CYP51A1: variants seen among roughly 807,000 people sequenced by gnomAD.
CYP51A1 encodes the protein lanosterol 14-alpha demethylase.
A neutral mutation model predicts 53.5 loss-of-function variants in CYP51A1; 45 were observed. That is an observed-to-expected ratio of 0.84 (90% CI 0.66 to 1.08). The LOEUF (loss-of-function observed/expected upper bound fraction) is 1.08, where lower values mean the gene tolerates loss of function less well. CYP51A1 is among the 50% of genes least tolerant of loss of function. CYP51A1 has a pLI of 0.00. For missense variants in CYP51A1, 462 were observed against 621.7 expected, an observed-to-expected ratio of 0.74 and a Z score of 2.73; for synonymous variants, 181 against 217.7, an observed-to-expected ratio of 0.83 and a Z score of 1.48.
intron 5 of CYP51A1, among the ~76,000 whole-genome samples, chr7:92,124,267 T>C (rs1439069462): frequency 2.6e-5 from 4 of 152,226 alleles, no homozygotes; most frequent in Non-Finnish European, 5.9e-5. Flanking sequence ...GGTTCTTCCA[T>C]GGAATCTGGT....
At chr7:92,125,821 C>T (rs11977401) in intron 5 of CYP51A1, among the ~76,000 whole-genome samples, 2,311 of 152,206 alleles carry the variant, frequency 0.015, 49 homozygotes, top group African/African-American at 0.053. Flanking sequence ...CATGATGAAA[C>T]CCTGTCTCTA....
At chr7:92,134,585 G>A, upstream of CYP51A1, 1 of 535,134 alleles carries the variant, frequency 1.9e-6, no homozygotes, top group South Asian at 2.7e-5. Context: ...GTGAAGCCGT[G>A]GTCTTCTTGC....
At chr7:92,130,665 A>G (rs1268272172) in intron 2 of CYP51A1, among the ~76,000 whole-genome samples, 2 of 152,200 alleles carry the variant, frequency 1.3e-5, no homozygotes, top group Non-Finnish European at 2.9e-5. Context: ...ATATAAATAC[A>G]AGTAGGTTTG....
In CYP51A1 at chr7:92,129,094, A is replaced by T; in HGVS notation, c.292-38T>A. The stretch of plus-strand genomic sequence containing the variant: ...AAGTACATATAGTGATGTTACAAAA[A>T]ATATGCAACACTACGACAGTAACTT... On this transcript the variant is annotated intron_variant, in intron 2 of 9. Transcript: ENST00000003100. 2.9e-6 allele frequency: 4 copies of T among 1,375,942 alleles called. No individual in the cohort carries two copies. The South Asian group carries it at 5.5e-5, about 19-fold the overall frequency. 85.2% of individuals were successfully genotyped at this position (1,375,942 alleles called of 1,614,324 possible).
Position 92,113,404 on chromosome 7 carries a change from G to T in CYP51A1, c.*261C>A. 2.7e-6 allele frequency: 1 copy of T among 368,302 alleles called. No homozygotes were observed. 22.8% of individuals were successfully genotyped at this position (368,302 alleles called of 1,614,324 possible). On this transcript the variant is annotated 3_prime_UTR_variant, in exon 10 of 10. Coordinates refer to ENST00000003100, the MANE Select transcript of CYP51A1 (RefSeq NM_000786.4). Reference sequence around the variant, plus strand: ...TTATTTAGAATCTGCCAATTACCTAGATCCCCCCTCAACAATTGTTTCACC... The same window carrying T: ...TTATTTAGAATCTGCCAATTACCTATATCCCCCCTCAACAATTGTTTCACC...
intron 9 of CYP51A1, among the ~76,000 whole-genome samples, chr7:92,116,185 T>C (rs891015563): frequency 5.3e-5 from 8 of 152,190 alleles, no homozygotes; most frequent in African/African-American, 1.9e-4. Context: ...GGCACGAGAA[T>C]TACTTGAACC....
intron 7 of CYP51A1, among the ~76,000 whole-genome samples, chr7:92,122,761 CACTCTGG>C (rs1658571178): frequency 6.6e-6 from 1 of 152,164 alleles, no homozygotes; most frequent in Non-Finnish European, 1.5e-5. Context: ...ATGCCCAGGC[CACTCTGG>C]ACATACAGAA....
intron 2 of CYP51A1, among the ~76,000 whole-genome samples, chr7:92,131,024 G>A (rs1355283310): frequency 6.6e-6 from 1 of 152,126 alleles, no homozygotes. Context: ...GAAAAGATGC[G>A]GGGTCGAGGA....
At chr7:92,127,136 G>A (rs1004961717) in intron 4 of CYP51A1, among the ~76,000 whole-genome samples, 1 of 152,136 alleles carries the variant, frequency 6.6e-6, no homozygotes, top group African/African-American at 2.4e-5. Context: ...TTCTTGTATG[G>A]TTAGAAAATA....
At chr7:92,123,412 G>A in intron 6 of CYP51A1, 97 bp from the exon 7 acceptor site, 4 of 1,063,682 alleles carry the variant, frequency 3.8e-6, no homozygotes, top group Non-Finnish European at 5.5e-6. Flanking sequence ...CATTTTTCAG[G>A]TATAGTGGTC....
intron 2 of CYP51A1, among the ~76,000 whole-genome samples, chr7:92,129,518 G>C (rs771435322): frequency 6.6e-6 from 1 of 152,170 alleles, no homozygotes; most frequent in African/African-American, 2.4e-5. Context: ...GCTATGTGAA[G>C]ACACTACAAG....
rs112952169 is a variant in CYP51A1, at chr7:92,128,428, C to CTCTGTGTGTGTGTGTGTGTG, written c.468+451_468+452insCACACACACACACACACAGA. 6.2e-3 allele frequency among the ~76,000 whole-genome samples: 889 copies of CTCTGTGTGTGTGTGTGTGTG among 143,102 alleles called. 16 individuals carry two copies. The highest frequency in any genetic ancestry group is 0.022 in the African/African-American group (841 of 38,650). 93.9% of individuals were successfully genotyped at this position (143,102 alleles called of 152,430 possible). On this transcript the variant is annotated intron_variant, in intron 3 of 9. Transcript: ENST00000003100. ...TATTACATTTTTGTTTGGTTGGTTT[C>CTCTGTGTGTGTGTGTGTGTG]TGTGTGTGTGTGTGTGTGTGTGTGT...
At position 92,123,119 on chromosome 7, in the gene CYP51A1, C is replaced by A; in HGVS notation, c.1086+1G>T. ...CAATGAAACTGAAAAATCCAACAAA[C>A]CTGGTCATAAGTTAAAGGAGGCAGA... On this transcript the variant is annotated splice_donor_variant, in intron 7 of 9. Transcript: ENST00000003100. LOFTEE classifies it high-confidence loss of function. 2.5e-6 allele frequency: 4 copies of A among 1,606,382 alleles called. No homozygotes were observed. Among genetic ancestry groups the A allele is most frequent in the Non-Finnish European group, 3.4e-6 (4 of 1,175,314 alleles).
rs763598087 is a variant in CYP51A1 at position 92,113,750 on chromosome 7, T to A, written c.1445A>T (p.Asp482Val). Reference sequence around the variant, plus strand: ...ATAATTCACAGTGGGAAAGTATCCATCAATGAGATCAAATTCATATAAACG... The same window carrying A: ...ATAATTCACAGTGGGAAAGTATCCAACAATGAGATCAAATTCATATAAACG... The part of the protein sequence containing the change: ...MLRLYEFDLI[D>V]GYFPTVNYTT... Residue 482 changes from aspartate to valine, a missense_variant, in exon 10 of 10, where the codon GAT becomes GTT. By Grantham distance (152) the Asp-to-Val change is radical (BLOSUM62 -3). Transcript: ENST00000003100. The A allele has an allele frequency of 6.2e-7, 1 of 1,613,160 alleles. No individual in the cohort carries two copies. The highest frequency in any genetic ancestry group is 8.5e-7 in the Non-Finnish European group (1 of 1,179,466).
intron 2 of CYP51A1, among the ~76,000 whole-genome samples, chr7:92,129,707 A>G (rs181794582): frequency 6.6e-6 from 1 of 152,342 alleles, no homozygotes; most frequent in Non-Finnish European, 1.5e-5. Context: ...AGCTTAGTCT[A>G]TTGGAAAAAA....
chr7:92,119,754 G>GA (rs1289660962), intron 7 of CYP51A1, among the ~76,000 whole-genome samples: 2 of 151,976 alleles, frequency 1.3e-5, no homozygotes, highest in Admixed American at 6.6e-5. Context: ...CCAGTACATA[G>GA]AAAAAGCAAG....
rs1215466875 is a variant in CYP51A1 at position 92,126,382 on chromosome 7, T to C, written c.641A>G (p.His214Arg). The change falls in exon 5 of 10, where the codon CAT (histidine) becomes CGT (arginine). Residue 214 changes from histidine to arginine, a missense_variant. Physicochemically the swap from His to Arg is conservative, Grantham distance 29 (BLOSUM62 0). Coordinates refer to ENST00000003100, the MANE Select transcript of CYP51A1 (RefSeq NM_000786.4). Reference protein sequence around the residue: ...LSELIILTASHCLHGKEIRSQ... With the variant: ...LSELIILTASRCLHGKEIRSQ... ...TCTGATTTCCTTTCCATGCAAACAATGGCTAGCTGTTAAAATTATGAGCTC... is the reference window on the plus strand; with the variant it reads ...TCTGATTTCCTTTCCATGCAAACAACGGCTAGCTGTTAAAATTATGAGCTC... 1.2e-6 allele frequency: 2 copies of C among 1,613,724 alleles called. No individual in the cohort carries two copies. Among genetic ancestry groups the C allele is most frequent in the Non-Finnish European group, 8.5e-7 (1 of 1,179,862 alleles).
chr7:92,118,288 G>A (rs1819619194), intron 8 of CYP51A1, among the ~76,000 whole-genome samples: 3 of 151,926 alleles, frequency 2.0e-5, no homozygotes, highest in Admixed American at 6.6e-5. Context: ...CAAGCAGCTG[G>A]GACCACAGGC....
intron 4 of CYP51A1, 33 bp from the exon 5 acceptor site, chr7:92,126,460 A>G: frequency 1.3e-6 from 2 of 1,538,130 alleles, no homozygotes; most frequent in Non-Finnish European, 1.8e-6. Flanking sequence ...TCTCATTACT[A>G]TTTCCAAAAA....
Sources: allele counts gnomAD v4.1 joint callset (sites outside exome capture counted in the v4.1 genomes callset), GRCh38; gene constraint gnomAD v4.1.1; transcripts MANE v1.5; gene names NCBI Gene and HGNC (gene_info 2026-07-23, HGNC 2026-07-21).